TMEM233: variants seen among roughly 807,000 people sequenced by gnomAD.
TMEM233 encodes transmembrane protein 233, also known as dispanin subfamily B member 2.
Under a neutral mutation model 11.2 loss-of-function variants are expected in TMEM233, and 6 were observed. The ratio of observed to expected loss-of-function variants is 0.54; its 90% confidence interval spans 0.29 to 1.06. The LOEUF (loss-of-function observed/expected upper bound fraction) is 1.06, where lower values mean the gene tolerates loss of function less well. Among genes scored for constraint, TMEM233 ranks in the 50% least tolerant of loss-of-function variants. The probability of loss-of-function intolerance (pLI) is 0.08; values close to 1 mark genes in which losing one functional copy is unlikely to be tolerated. For synonymous variants in TMEM233, 59 were observed against 55.8 expected (o/e 1.06, Z -0.26); for missense variants, 127 against 144.7 (o/e 0.88, Z 0.63).
At position 119,642,206 on chromosome 12, in the gene TMEM233, G is replaced by C. The variant is rs1258939652; in HGVS notation, c.*1501G>C. 1 of 152,204 alleles carries C rather than the reference G, an allele frequency of 6.6e-6. No individual in the cohort carries two copies. Among genetic ancestry groups the C allele is most frequent in the African/African-American group, 2.4e-5 (1 of 41,446 alleles). 9.4% of individuals were successfully genotyped at this position (152,204 alleles called of 1,614,324 possible). On this transcript the variant is annotated 3_prime_UTR_variant, in exon 3 of 3. Coordinates refer to ENST00000426426, the MANE Select transcript of TMEM233 (RefSeq NM_001136534.3). ...GTGGTGGCTCACGCCTGTAATCCCA[G>C]CAATTTGAGAGGCTGAGATCACTTA...
At chr12:119,635,199 G>C (rs1407849532) in intron 2 of TMEM233, among the ~76,000 whole-genome samples, 1 of 152,116 alleles carries the variant, frequency 6.6e-6, no homozygotes, top group Non-Finnish European at 1.5e-5. Flanking sequence ...CTAATACCTT[G>C]AGGACTCAAG....
chr12:119,632,860 C>G (rs1954912566), intron 2 of TMEM233, among the ~76,000 whole-genome samples: 1 of 152,174 alleles, frequency 6.6e-6, no homozygotes, highest in African/African-American at 2.4e-5. Context: ...ACACTATCTA[C>G]TTTGCAGTCT....
chr12:119,638,133 C>T (rs955483349), intron 2 of TMEM233, among the ~76,000 whole-genome samples: 1 of 152,174 alleles, frequency 6.6e-6, no homozygotes, highest in Non-Finnish European at 1.5e-5. Context: ...TTCACCCTAG[C>T]TACGTGTTAG....
At chr12:119,644,928 A>AGTCTAGTG (rs1232572570), downstream of TMEM233, among the ~76,000 whole-genome samples, 3 of 152,234 alleles carry the variant, frequency 2.0e-5, no homozygotes, top group Non-Finnish European at 4.4e-5. Flanking sequence ...AGGTGGCAGT[A>AGTCTAGTG]GTCTAGTGGG....
At chr12:119,613,382 C>T (rs540209629) in intron 1 of TMEM233, among the ~76,000 whole-genome samples, 3 of 152,218 alleles carry the variant, frequency 2.0e-5, no homozygotes, top group Non-Finnish European at 4.4e-5. Context: ...ACGGAGCTCA[C>T]AGTCAGGTGG....
intron 1 of TMEM233, among the ~76,000 whole-genome samples, chr12:119,600,416 T>A (rs920375578): frequency 2.0e-5 from 3 of 149,406 alleles, no homozygotes; most frequent in Non-Finnish European, 4.4e-5. Flanking sequence ...AGAAGCTCCT[T>A]TGAGCTGGAG....
chr12:119,651,825 CAAAAAAA>C, the TMEM233 span, among the ~76,000 whole-genome samples: 1 of 79,400 alleles, frequency 1.3e-5, no homozygotes. Flanking sequence ...GACTCCGTCT[CAAAAAAA>C]AAAAAAAAAA....
intron 1 of TMEM233, among the ~76,000 whole-genome samples, chr12:119,626,584 G>T (rs1593302090): frequency 7.9e-6 from 1 of 126,918 alleles, no homozygotes; most frequent in South Asian, 2.6e-4. Flanking sequence ...GAGAAGAGAA[G>T]AGAAGAGAAG....
chr12:119,615,483 G>A (rs1276572998), intron 1 of TMEM233, among the ~76,000 whole-genome samples: 1 of 152,212 alleles, frequency 6.6e-6, no homozygotes, highest in Non-Finnish European at 1.5e-5. Context: ...CACCCCCAGA[G>A]AGCCTGATTC....
Position 119,623,049 on chromosome 12 carries a change from C to A in TMEM233, c.187-6687C>A, listed in dbSNP as rs75388191. On this transcript the variant is annotated intron_variant, in intron 1 of 2. Coordinates refer to ENST00000426426, the MANE Select transcript of TMEM233 (RefSeq NM_001136534.3). The stretch of plus-strand genomic sequence containing the variant: ...TCCCCTTCAGCCAGGTCACCAAGCA[C>A]AGCCTCTCTGCCTTGTATCAAACAA... 2.7e-3 allele frequency among the ~76,000 whole-genome samples: 412 copies of A among 152,294 alleles called. 2 individuals carry two copies. The highest frequency in any genetic ancestry group is 9.7e-3 in the African/African-American group (405 of 41,566).
At chr12:119,633,650 G>C (rs1428341362) in intron 2 of TMEM233, among the ~76,000 whole-genome samples, 1 of 152,004 alleles carries the variant, frequency 6.6e-6, no homozygotes, top group South Asian at 2.1e-4. Flanking sequence ...ATGCATGTAG[G>C]GGCAAGAGAG....
intron 1 of TMEM233, among the ~76,000 whole-genome samples, chr12:119,619,713 T>A (rs184029896): frequency 5.9e-5 from 9 of 152,172 alleles, no homozygotes; most frequent in Non-Finnish European, 8.8e-5. Context: ...ATAATATCAC[T>A]ATAATAATAG....
intron 2 of TMEM233, among the ~76,000 whole-genome samples, chr12:119,639,064 G>A (rs189899578): frequency 2.0e-5 from 3 of 151,936 alleles, no homozygotes; most frequent in Admixed American, 2.0e-4. Flanking sequence ...CCTGCCTCAG[G>A]GCCTCTGCAC....
At chr12:119,652,607 C>T in the TMEM233 span, among the ~76,000 whole-genome samples, 9 of 152,146 alleles carry the variant, frequency 5.9e-5, no homozygotes, top group African/African-American at 1.9e-4. Flanking sequence ...GTTTGGGGCC[C>T]CCATGGTGGC....
At chr12:119,612,708 G>A (rs1178135730) in intron 1 of TMEM233, among the ~76,000 whole-genome samples, 2 of 142,462 alleles carry the variant, frequency 1.4e-5, no homozygotes, top group African/African-American at 2.7e-5. Context: ...CCAAGATCAC[G>A]CCACTGCACT....
intron 1 of TMEM233, among the ~76,000 whole-genome samples, chr12:119,597,801 T>G (rs1008272458): frequency 6.6e-6 from 1 of 152,226 alleles, no homozygotes; most frequent in African/African-American, 2.4e-5. Flanking sequence ...CTCTATATAT[T>G]GAAAGTCTGT....
At chr12:119,634,387 C>A in intron 2 of TMEM233, 1 of 468,280 alleles carries the variant, frequency 2.1e-6, no homozygotes, top group Non-Finnish European at 2.8e-6. Context: ...GTGGGAGGAT[C>A]TCTTGAGGCC....
At chr12:119,650,030 C>T in the TMEM233 span, among the ~76,000 whole-genome samples, 1 of 151,712 alleles carries the variant, frequency 6.6e-6, no homozygotes, top group African/African-American at 2.4e-5. Context: ...CGGTGGCGGG[C>T]GCCTGTACTC....
the TMEM233 span, among the ~76,000 whole-genome samples, chr12:119,653,326 A>C: frequency 3.0e-5 from 4 of 135,096 alleles, no homozygotes; most frequent in Non-Finnish European, 6.1e-5. Flanking sequence ...TGGGAGGCAG[A>C]GGTTGCAGTG....
Sources: gnomAD v4.1 joint callset for allele counts (sites outside exome capture counted in the v4.1 genomes callset) on GRCh38, gnomAD v4.1.1 for gene constraint, MANE v1.5 for transcripts, NCBI Gene and HGNC (gene_info 2026-07-23, HGNC 2026-07-21) for gene names.